Variants in CGRRF1 observed in about 807,000 individuals in gnomAD.
CGRRF1 encodes cell growth regulator with RING finger domain protein 1.
In CGRRF1, 32 loss-of-function variants were observed where a neutral mutation model predicts 37.2. That is an observed-to-expected ratio of 0.86 (90% confidence interval 0.65 to 1.16). The LOEUF (loss-of-function observed/expected upper bound fraction) is 1.16, where lower values mean the gene tolerates loss of function less well. Ranked by LOEUF, CGRRF1 falls within the 50% of genes most tolerant of loss-of-function variation. The probability of loss-of-function intolerance (pLI) is 0.00; values close to 1 mark genes in which losing one functional copy is unlikely to be tolerated. For missense variants in CGRRF1, 391 were observed against 382.6 expected, an observed-to-expected ratio of 1.02 and a Z score of -0.18; for synonymous variants, 141 against 140.3, an observed-to-expected ratio of 1.00 and a Z score of -0.04.
intron 4 of CGRRF1, among the ~76,000 whole-genome samples, chr14:54,532,941 A>G (rs1043743245): frequency 1.3e-5 from 2 of 151,844 alleles, no homozygotes; most frequent in South Asian, 4.1e-4. Flanking sequence ...TTCTGCCCCC[A>G]CTGTGTGCCC....
intron 1 of CGRRF1, among the ~76,000 whole-genome samples, chr14:54,520,742 T>C (rs1487815721): frequency 2.0e-5 from 3 of 152,240 alleles, no homozygotes; most frequent in African/African-American, 7.2e-5. Flanking sequence ...AGTTGTTCCT[T>C]TTCACTGCTG....
Position 54,510,050 on chromosome 14 carries a change from C to T in CGRRF1, c.91C>T (p.Leu31=). 6.2e-7 allele frequency: 1 copy of T among 1,611,508 alleles called. No homozygotes were observed. The highest frequency in any genetic ancestry group is 8.5e-7 in the Non-Finnish European group (1 of 1,177,716). Residue 31 remains leucine, a synonymous_variant, in exon 1 of 6, where the codon CTG becomes TTG. Coordinates refer to ENST00000216420, the MANE Select transcript of CGRRF1 (RefSeq NM_006568.3). ...TACCTGCTTCATCGTGACCACCGGC[C>T]TGGTATTGGGATGGTAAGTGTCCCA... ...VFTCFIVTTG[L]VLGWFGWDVP...
chr14:54,529,917 C>A (rs879600224), intron 2 of CGRRF1, 132 bp from the exon 3 acceptor site: 40 of 616,866 alleles, frequency 6.5e-5, no homozygotes, highest in Non-Finnish European at 1.1e-4. Context: ...AGGAGGCATA[C>A]CCTTTAACAA....
In CGRRF1 at chr14:54,538,232, A is replaced by G. The variant is rs768525636; in HGVS notation, c.848A>G (p.Asn283Ser). 2 of 1,614,054 alleles carry G rather than the reference A, an allele frequency of 1.2e-6. No individual in the cohort carries two copies. Among genetic ancestry groups the G allele is most frequent in the African/African-American group, 1.3e-5 (1 of 74,920 alleles). Residue 283 changes from asparagine (N) to serine (S), a missense_variant, in exon 6 of 6, where the codon AAC becomes AGC. Asn to Ser is a conservative substitution (Grantham distance 46). Transcript: ENST00000216420. ...DCVVCQNGTV[N>S]WVLLPCRHTC... ...GTTGTTTGCCAGAATGGGACTGTGAACTGGGTACTCTTACCATGCAGACAC... is the reference window on the plus strand; with the variant it reads ...GTTGTTTGCCAGAATGGGACTGTGAGCTGGGTACTCTTACCATGCAGACAC...
chr14:54,521,567 C>T (rs558643605), intron 1 of CGRRF1, among the ~76,000 whole-genome samples: 19 of 151,514 alleles, frequency 1.3e-4, no homozygotes, highest in South Asian at 2.1e-4. Flanking sequence ...TCCAGTGGCA[C>T]GATCTCGGCT....
At chr14:54,526,144 A>ATTTTTTTT (rs745596386) in intron 2 of CGRRF1, among the ~76,000 whole-genome samples, 1 of 107,066 alleles carries the variant, frequency 9.3e-6, no homozygotes, top group Non-Finnish European at 1.9e-5. Context: ...TATATTTAAG[A>ATTTTTTTT]TTTTTTTTTT....
intron 4 of CGRRF1, among the ~76,000 whole-genome samples, chr14:54,535,382 C>CACAG: frequency 6.7e-6 from 1 of 148,754 alleles, no homozygotes; most frequent in East Asian, 1.9e-4. Context: ...CACACACACA[C>CACAG]ACACACACAC....
At chr14:54,511,628 T>C (rs2032131420) in intron 1 of CGRRF1, among the ~76,000 whole-genome samples, 1 of 152,220 alleles carries the variant, frequency 6.6e-6, no homozygotes, top group African/African-American at 2.4e-5. Flanking sequence ...ATCTTTAGTA[T>C]TGGGAAGAGG....
chr14:54,537,671 G>T, intron 4 of CGRRF1, 51 bp from the exon 5 acceptor site: 1 of 1,399,740 alleles, frequency 7.1e-7, no homozygotes, highest in Non-Finnish European at 9.4e-7. Context: ...ATATATTTGT[G>T]AAATAATATA....
Position 54,509,917 on chromosome 14 carries a change from G to C in CGRRF1, c.-43G>C, listed in dbSNP as rs763060847. The C allele has an allele frequency of 2.0e-6, 3 of 1,466,432 alleles. No individual in the cohort carries two copies. In the African/African-American group the frequency reaches 4.2e-5, roughly 20 times the overall value. 90.8% of individuals were successfully genotyped at this position (1,466,432 alleles called of 1,614,324 possible). On this transcript the variant is annotated 5_prime_UTR_variant, in exon 1 of 6. Coordinates refer to ENST00000216420, the MANE Select transcript of CGRRF1 (RefSeq NM_006568.3). ...GGCGGGGCTCAGCCGGGCTGGGCTG[G>C]GCTCCGCGGCTGGAGCCGGGCTCTA...
chr14:54,509,946 A>T lies in CGRRF1; in HGVS notation c.-14A>T, dbSNP rs1417034190. On this transcript the variant is annotated 5_prime_UTR_variant, in exon 1 of 6. Transcript: ENST00000216420. ...CCGCGGCTGGAGCCGGGCTCTACCC[A>T]GAGCAAGACCCTGATGGCTGCGGTG... 1 of 1,599,182 alleles carries T rather than the reference A, an allele frequency of 6.3e-7. No homozygotes were observed. Among genetic ancestry groups the T allele is most frequent in the South Asian group, 1.1e-5 (1 of 90,760 alleles).
At chr14:54,518,786 G>C (rs1327112123) in intron 1 of CGRRF1, among the ~76,000 whole-genome samples, 4 of 152,040 alleles carry the variant, frequency 2.6e-5, no homozygotes, top group Non-Finnish European at 5.9e-5. Context: ...ACTTTTTAAT[G>C]GGGTTGTTTT....
chr14:54,528,070 T>A (rs1219012945), intron 2 of CGRRF1, among the ~76,000 whole-genome samples: 2 of 152,194 alleles, frequency 1.3e-5, no homozygotes, highest in East Asian at 3.8e-4. Context: ...CAAACACATA[T>A]ATGGGTATCC....
At chr14:54,516,645 T>C (rs995921902) in intron 1 of CGRRF1, among the ~76,000 whole-genome samples, 12 of 152,292 alleles carry the variant, frequency 7.9e-5, no homozygotes, top group African/African-American at 2.9e-4. Context: ...TAGGTAATTT[T>C]CCTTGTTTCT....
chr14:54,526,014 T>G (rs1044273813), intron 2 of CGRRF1, among the ~76,000 whole-genome samples: 3 of 152,032 alleles, frequency 2.0e-5, no homozygotes, highest in Non-Finnish European at 4.4e-5. Flanking sequence ...GGAGGATTGC[T>G]TAAGTCTGGG....
At chr14:54,511,074 A>C (rs1323375241) in intron 1 of CGRRF1, among the ~76,000 whole-genome samples, 1 of 152,232 alleles carries the variant, frequency 6.6e-6, no homozygotes, top group Non-Finnish European at 1.5e-5. Context: ...CAGCATGAGC[A>C]TAGGGGCAGA....
At chr14:54,519,842 A>G (rs2032286335) in intron 1 of CGRRF1, among the ~76,000 whole-genome samples, 1 of 152,268 alleles carries the variant, frequency 6.6e-6, no homozygotes, top group Non-Finnish European at 1.5e-5. Context: ...ACTAGAAAGA[A>G]TTACACAGTG....
intron 2 of CGRRF1, 74 bp downstream of exon 2, chr14:54,522,667 A>C: frequency 7.4e-7 from 1 of 1,359,876 alleles, no homozygotes; most frequent in Non-Finnish European, 1.0e-6. Flanking sequence ...TTCTTTCTCT[A>C]TTTCTTTCCC....
chr14:54,530,968 T>G lies in CGRRF1; in HGVS notation c.488T>G (p.Phe163Cys). The G allele has an allele frequency of 6.2e-7, 1 of 1,608,418 alleles. No individual in the cohort carries two copies. The highest frequency in any genetic ancestry group is 2.2e-5 in the East Asian group (1 of 44,798). ...CCAAGAGATACTAAAATTGAAGACT[T>G]TGGTACAGTACCCAGATCTCGCTAT... The part of the protein sequence containing the change: ...QLPRDTKIED[F>C]GTVPRSRYPL... The change falls in exon 4 of 6, where the codon TTT (phenylalanine) becomes TGT (cysteine). Residue 163 changes from phenylalanine (F) to cysteine (C), a missense_variant. Coordinates refer to ENST00000216420, the MANE Select transcript of CGRRF1 (RefSeq NM_006568.3).
Sources: allele counts gnomAD v4.1 joint callset (sites outside exome capture counted in the v4.1 genomes callset), GRCh38; gene constraint gnomAD v4.1.1; transcripts MANE v1.5; gene names NCBI Gene and HGNC (gene_info 2026-07-23, HGNC 2026-07-21).